The following ARSB variants were observed in gnomAD, a reference collection of about 807,000 sequenced individuals.
ARSB encodes N-acetylgalactosamine-4-sulfatase.
A neutral mutation model predicts 50.9 loss-of-function variants in ARSB; 41 were observed. The ratio of observed to expected loss-of-function variants is 0.81; its 90% CI spans 0.63 to 1.04. The LOEUF (loss-of-function observed/expected upper bound fraction) is 1.04, where lower values mean the gene tolerates loss of function less well. Ranked by LOEUF, ARSB falls within the 50% of genes least tolerant of loss-of-function variation. ARSB has a pLI of 0.00. For missense variants in ARSB, 672 were observed against 693.3 expected (o/e 0.97, Z 0.35); for synonymous variants, 269 against 284.8 (o/e 0.94, Z 0.56).
chr5:78,894,713 T>C (rs1748484368), intron 4 of ARSB, among the ~76,000 whole-genome samples: 1 of 152,230 alleles, frequency 6.6e-6, no homozygotes, highest in Non-Finnish European at 1.5e-5. Flanking sequence ...AAATATTGAA[T>C]GCATACTTAA....
At chr5:78,810,587 AT>A (rs1287099901) in intron 6 of ARSB, among the ~76,000 whole-genome samples, 2 of 152,224 alleles carry the variant, frequency 1.3e-5, no homozygotes, top group Non-Finnish European at 2.9e-5. Context: ...CACGGTTCTA[AT>A]TCTAGATGCC....
chr5:78,795,965 C>T (rs933037836), intron 6 of ARSB, among the ~76,000 whole-genome samples: 2 of 152,156 alleles, frequency 1.3e-5, no homozygotes, highest in Admixed American at 1.3e-4. Context: ...TTGCATTGTG[C>T]ATAGTAAGTA....
At chr5:78,896,934 AT>A (rs1169455165) in intron 4 of ARSB, among the ~76,000 whole-genome samples, 1 of 152,208 alleles carries the variant, frequency 6.6e-6, no homozygotes, top group East Asian at 1.9e-4. Context: ...ATAAAATAGC[AT>A]GTATTTCATA....
chr5:78,854,614 G>A (rs1216052066), intron 5 of ARSB, among the ~76,000 whole-genome samples: 1 of 150,064 alleles, frequency 6.7e-6, no homozygotes, highest in Non-Finnish European at 1.5e-5. Context: ...GTGGTTTTCT[G>A]CAGTAACAAG....
intron 4 of ARSB, among the ~76,000 whole-genome samples, chr5:78,913,612 G>A (rs1749409434): frequency 6.6e-6 from 1 of 152,158 alleles, no homozygotes; most frequent in Non-Finnish European, 1.5e-5. Flanking sequence ...AAGTGAGTTA[G>A]AGCCTCTTAA....
intron 4 of ARSB, among the ~76,000 whole-genome samples, chr5:78,901,393 A>T (rs147185706): frequency 6.6e-6 from 1 of 152,314 alleles, no homozygotes; most frequent in Non-Finnish European, 1.5e-5. Flanking sequence ...ATAGAAGAAC[A>T]GAGTTAGAAG....
intron 5 of ARSB, among the ~76,000 whole-genome samples, chr5:78,863,146 T>C (rs1203797578): frequency 6.6e-6 from 1 of 152,220 alleles, no homozygotes; most frequent in Non-Finnish European, 1.5e-5. Context: ...GGAAGGCTTT[T>C]ACATTGCTGG....
intron 1 of ARSB, among the ~76,000 whole-genome samples, chr5:78,971,449 G>A (rs765559430): frequency 1.2e-4 from 18 of 152,162 alleles, no homozygotes; most frequent in Non-Finnish European, 1.9e-4. Context: ...CCCAGGCCAC[G>A]GCTGGTCCCT....
At chr5:78,985,351 G>A, upstream of ARSB, 1 of 1,129,198 alleles carries the variant, frequency 8.9e-7, no homozygotes, top group South Asian at 4.6e-5. Context: ...CCCGGCGCGG[G>A]ACGGCACCCC....
intron 6 of ARSB, among the ~76,000 whole-genome samples, chr5:78,819,842 A>AG (rs1744140320): frequency 6.6e-6 from 1 of 152,256 alleles, no homozygotes; most frequent in Non-Finnish European, 1.5e-5. Flanking sequence ...ATGGCACAGA[A>AG]GGGCCAAGTC....
intron 4 of ARSB, among the ~76,000 whole-genome samples, chr5:78,952,781 A>C (rs892920907): frequency 1.3e-5 from 2 of 152,238 alleles, no homozygotes; most frequent in African/African-American, 4.8e-5. Flanking sequence ...TTCACTTTAG[A>C]AAATCATTTG....
At chr5:78,905,152 T>G (rs1236039605) in intron 4 of ARSB, among the ~76,000 whole-genome samples, 1 of 152,232 alleles carries the variant, frequency 6.6e-6, no homozygotes. Context: ...TTGGCTTTAG[T>G]TTCTATTTCA....
chr5:78,942,980 T>C (rs1751014747), intron 4 of ARSB, among the ~76,000 whole-genome samples: 1 of 152,214 alleles, frequency 6.6e-6, no homozygotes, highest in South Asian at 2.1e-4. Context: ...TGGGTGCATA[T>C]ATATTTAGGA....
chr5:78,985,822 C>T (rs903035464), upstream of ARSB: 5 of 152,150 alleles, frequency 3.3e-5, no homozygotes, highest in African/African-American at 9.7e-5. Flanking sequence ...TCTAAATAGC[C>T]TTTCACATTC....
chr5:78,858,512 A>T (rs1359225932), intron 5 of ARSB, among the ~76,000 whole-genome samples: 4 of 152,078 alleles, frequency 2.6e-5, no homozygotes, highest in Non-Finnish European at 5.9e-5. Flanking sequence ...CCAGTTTTTG[A>T]TTTTCATTTT....
chr5:78,982,640 G>C (rs986412863), intron 1 of ARSB, among the ~76,000 whole-genome samples: 1 of 152,224 alleles, frequency 6.6e-6, no homozygotes, highest in Admixed American at 6.5e-5. Flanking sequence ...TTACAGAACA[G>C]AGATGATAGA....
At chr5:78,854,094 C>T (rs1489039870) in intron 5 of ARSB, among the ~76,000 whole-genome samples, 1 of 152,256 alleles carries the variant, frequency 6.6e-6, no homozygotes, top group South Asian at 2.1e-4. Context: ...CTTGCACTCC[C>T]TAGTGAGATG....
At chr5:78,890,874 G>A (rs1402761090) in intron 4 of ARSB, among the ~76,000 whole-genome samples, 3 of 152,092 alleles carry the variant, frequency 2.0e-5, no homozygotes, top group South Asian at 2.1e-4. Flanking sequence ...AAAGTGCCAC[G>A]GGTTAAAGAT....
At chr5:78,792,178 A>G (rs2112632966) in intron 6 of ARSB, among the ~76,000 whole-genome samples, 1 of 152,296 alleles carries the variant, frequency 6.6e-6, no homozygotes, top group East Asian at 1.9e-4. Flanking sequence ...CAGGAGTTCG[A>G]GACCAGCCGG....
Sources: gnomAD v4.1 joint callset for allele counts (sites outside exome capture counted in the v4.1 genomes callset) on GRCh38, gnomAD v4.1.1 for gene constraint, MANE v1.5 for transcripts, NCBI Gene and HGNC (gene_info 2026-07-23, HGNC 2026-07-21) for gene names.